Variants in CYP2J2 observed in about 807,000 individuals in gnomAD.
The protein encoded by CYP2J2 is cytochrome P450 family 2 subfamily J member 2, also known as cytochrome P450 2J2.
In CYP2J2, 41 loss-of-function variants were observed where a neutral mutation model predicts 48.8. The observed-to-expected ratio is 0.84, with a 90% CI of 0.66 to 1.09. The LOEUF is 1.09. Ranked by LOEUF, CYP2J2 falls within the 50% of genes least tolerant of loss-of-function variation. CYP2J2 has a pLI of 0.00. For synonymous variants in CYP2J2, 221 were observed against 227.1 expected (o/e 0.97, Z 0.24); for missense variants, 644 against 617.3 (o/e 1.04, Z -0.46).
At chr1:59,922,080 C>A (rs532336053) in intron 1 of CYP2J2, among the ~76,000 whole-genome samples, 6 of 152,276 alleles carry the variant, frequency 3.9e-5, no homozygotes, top group Non-Finnish European at 7.4e-5. Flanking sequence ...CCCCCTGGAC[C>A]CAGCTTTCAC....
At chr1:59,912,546 A>G (rs1644427553) in intron 2 of CYP2J2, 2 of 427,448 alleles carry the variant, frequency 4.7e-6, no homozygotes, top group South Asian at 4.2e-5. Context: ...TAGTACTCAT[A>G]GAAACTCTCT....
chr1:59,942,370 TA>T, the CYP2J2 span, among the ~76,000 whole-genome samples: 1 of 152,012 alleles, frequency 6.6e-6, no homozygotes, highest in Non-Finnish European at 1.5e-5. Context: ...CTAGATAGTG[TA>T]AAGATTCGCC....
chr1:59,911,977 A>ATGTG (rs1251151504), intron 3 of CYP2J2, among the ~76,000 whole-genome samples, 185 bp downstream of exon 3: 2 of 152,168 alleles, frequency 1.3e-5, no homozygotes, highest in Non-Finnish European at 2.9e-5. Flanking sequence ...AAATTCAGTA[A>ATGTG]TGTGTTTAGT....
chr1:59,965,862 G>A, the CYP2J2 span, among the ~76,000 whole-genome samples: 1 of 152,074 alleles, frequency 6.6e-6, no homozygotes, highest in Non-Finnish European at 1.5e-5. Context: ...ATGTTGGTCA[G>A]GTTGGTCTCA....
the CYP2J2 span, among the ~76,000 whole-genome samples, chr1:59,935,051 T>TATATATATATATATATAC: frequency 9.3e-6 from 1 of 107,758 alleles, no homozygotes; most frequent in Non-Finnish European, 1.9e-5. Flanking sequence ...TATATATATA[T>TATATATATATATATATAC]ACACAACAGA....
At chr1:59,954,484 C>A in the CYP2J2 span, among the ~76,000 whole-genome samples, 3 of 150,898 alleles carry the variant, frequency 2.0e-5, no homozygotes, top group Middle Eastern at 3.4e-3. Flanking sequence ...AACAAAGGAA[C>A]CTATTTTATT....
At chr1:59,957,370 A>G in the CYP2J2 span, among the ~76,000 whole-genome samples, 1 of 152,136 alleles carries the variant, frequency 6.6e-6, no homozygotes, top group Non-Finnish European at 1.5e-5. Flanking sequence ...GGCTATTTCT[A>G]TATTGTAAAC....
At chr1:59,896,632 C>T (rs1366847709) in intron 8 of CYP2J2, among the ~76,000 whole-genome samples, 2 of 152,076 alleles carry the variant, frequency 1.3e-5, no homozygotes, top group South Asian at 2.1e-4. Flanking sequence ...TCCACCACCC[C>T]CTCCCCTATG....
At chr1:59,959,551 GAT>G in the CYP2J2 span, among the ~76,000 whole-genome samples, 6 of 151,390 alleles carry the variant, frequency 4.0e-5, no homozygotes, top group East Asian at 3.9e-4. Context: ...AAATGTGAGA[GAT>G]ATATATATAT....
At chr1:59,954,160 G>A in the CYP2J2 span, among the ~76,000 whole-genome samples, 1 of 152,192 alleles carries the variant, frequency 6.6e-6, no homozygotes, top group South Asian at 2.1e-4. Flanking sequence ...CATCAGCCTG[G>A]GTCTCTGGGT....
At chr1:59,893,948 AG>A in intron 8 of CYP2J2, 119 bp from the exon 9 acceptor site, 4 of 925,840 alleles carry the variant, frequency 4.3e-6, no homozygotes, top group Middle Eastern at 2.3e-4. Flanking sequence ...TGTAGGCCCC[AG>A]GGTGTTATGG....
chr1:59,945,409 TC>T, the CYP2J2 span, among the ~76,000 whole-genome samples: 29 of 6,774 alleles, frequency 4.3e-3, no homozygotes, highest in Admixed American at 0.065. Flanking sequence ...CTTTCTGTCA[TC>T]TATCTATCTA....
intron 8 of CYP2J2, among the ~76,000 whole-genome samples, chr1:59,898,133 T>C (rs1644285574): frequency 1.3e-5 from 2 of 152,190 alleles, no homozygotes; most frequent in Admixed American, 6.5e-5. Flanking sequence ...TCTCCTTGGA[T>C]CCACATCATT....
At chr1:59,969,105 T>C in the CYP2J2 span, among the ~76,000 whole-genome samples, 1 of 152,190 alleles carries the variant, frequency 6.6e-6, no homozygotes, top group African/African-American at 2.4e-5. Context: ...TTCGCGGTGT[T>C]ACAGCTCATA....
At chr1:59,949,240 T>C in the CYP2J2 span, among the ~76,000 whole-genome samples, 183 of 152,284 alleles carry the variant, frequency 1.2e-3, 3 homozygotes, top group East Asian at 0.031. Flanking sequence ...TGTTTTTGCG[T>C]GTGCATGGAA....
chr1:59,954,453 C>T, the CYP2J2 span, among the ~76,000 whole-genome samples: 1 of 151,972 alleles, frequency 6.6e-6, no homozygotes, highest in Non-Finnish European at 1.5e-5. Flanking sequence ...GATGACAAGA[C>T]ATACAAATGA....
the CYP2J2 span, among the ~76,000 whole-genome samples, chr1:59,963,352 C>T: frequency 6.6e-6 from 1 of 152,206 alleles, no homozygotes; most frequent in Non-Finnish European, 1.5e-5. Context: ...ATAACTCCTT[C>T]ATCTCTCCTC....
chr1:59,928,906 C>T (rs1369202333), upstream of CYP2J2, among the ~76,000 whole-genome samples: 2 of 152,188 alleles, frequency 1.3e-5, no homozygotes, highest in Non-Finnish European at 2.9e-5. Context: ...TAGGAAGAAC[C>T]CTCTTGGGAC....
At chr1:59,967,558 A>G in the CYP2J2 span, among the ~76,000 whole-genome samples, 1 of 152,196 alleles carries the variant, frequency 6.6e-6, no homozygotes, top group East Asian at 1.9e-4. Context: ...TGCCTTCTGC[A>G]GACCAGACTT....
Sources: gnomAD v4.1 joint callset for allele counts (sites outside exome capture counted in the v4.1 genomes callset) on GRCh38, gnomAD v4.1.1 for gene constraint, MANE v1.5 for transcripts, NCBI Gene and HGNC (gene_info 2026-07-23, HGNC 2026-07-21) for gene names.